Variants in INO80C observed in about 807,000 individuals in gnomAD.
INO80C encodes INO80 complex subunit C, also known as IES6 homolog.
A neutral mutation model predicts 17.7 loss-of-function variants in INO80C; 17 were observed. The observed-to-expected ratio is 0.96, with a 90% CI of 0.66 to 1.44. INO80C has a LOEUF of 1.44. Ranked by LOEUF, INO80C falls within the 40% of genes most tolerant of loss-of-function variation. The pLI, the probability that INO80C is intolerant of heterozygous loss-of-function variation, is 0.00. For missense variants in INO80C, 244 were observed against 245.0 expected (o/e 1.00, Z 0.03); for synonymous variants, 96 against 95.8 (o/e 1.00, Z -0.01).
rs755042959 is a variant in INO80C, at chr18:35,497,760, C to T, written c.115G>A (p.Ala39Thr). The T allele has an allele frequency of 1.9e-6, 3 of 1,612,726 alleles. No individual in the cohort carries two copies. Among genetic ancestry groups the T allele is most frequent in the African/African-American group, 1.3e-5 (1 of 74,966 alleles). Residue 39 changes from alanine (A) to threonine (T), a missense_variant, in exon 1 of 5, where the codon GCC becomes ACC. Coordinates refer to ENST00000334598, the MANE Select transcript of INO80C (RefSeq NM_194281.4). ...GCGGACGCTTTTTTCTTCTTACTGG[C>T]GCCATAGCCCCCGCCGCTGCTGCCA... Reference protein sequence around the residue: ...HNGSSGGGYGASKKKKASASS... With the variant: ...HNGSSGGGYGTSKKKKASASS...
Position 35,480,237 on chromosome 18 carries a change from A to G in INO80C, c.267+216T>C, listed in dbSNP as rs566344216. Among the ~76,000 whole-genome samples, 3 of 152,350 alleles carry G rather than the reference A, an allele frequency of 2.0e-5. No homozygotes were observed. The South Asian group carries it at 6.2e-4, about 32-fold the overall frequency. On this transcript the variant is annotated intron_variant, in intron 2 of 4. Coordinates refer to ENST00000334598, the MANE Select transcript of INO80C (RefSeq NM_194281.4). The stretch of plus-strand genomic sequence containing the variant: ...CCCTCCAAACAGTATCCTTTAATGA[A>G]TCCACAAAGGACACCCAAATCCTTG...
chr18:35,469,025 G>A (rs912392183), intron 4 of INO80C, among the ~76,000 whole-genome samples: 1 of 152,176 alleles, frequency 6.6e-6, no homozygotes, highest in Non-Finnish European at 1.5e-5. Context: ...GTCCAAGACT[G>A]AATTCATGAT....
At chr18:35,471,715 T>C (rs2045671827) in intron 4 of INO80C, among the ~76,000 whole-genome samples, 1 of 152,076 alleles carries the variant, frequency 6.6e-6, no homozygotes, top group Admixed American at 6.6e-5. Flanking sequence ...TAACTCGTCA[T>C]TTAGCATTAG....
At chr18:35,488,196 G>A (rs373570751) in intron 1 of INO80C, among the ~76,000 whole-genome samples, 10 of 152,246 alleles carry the variant, frequency 6.6e-5, no homozygotes, top group African/African-American at 2.2e-4. Flanking sequence ...TCTGAAGGAC[G>A]GTGGCTCTCT....
At chr18:35,472,013 T>G (rs1352025311) in intron 4 of INO80C, among the ~76,000 whole-genome samples, 1 of 152,222 alleles carries the variant, frequency 6.6e-6, no homozygotes, top group Non-Finnish European at 1.5e-5. Flanking sequence ...TGTTGGACAT[T>G]TGGGTTGGCT....
intron 1 of INO80C, among the ~76,000 whole-genome samples, chr18:35,495,096 G>T (rs1028860374): frequency 7.2e-5 from 11 of 152,202 alleles, no homozygotes; most frequent in Non-Finnish European, 4.4e-5. Context: ...CCTATACGCT[G>T]TGAAAAGGGA....
At chr18:35,493,847 CT>C (rs1182747625) in intron 1 of INO80C, among the ~76,000 whole-genome samples, 1 of 152,160 alleles carries the variant, frequency 6.6e-6, no homozygotes, top group African/African-American at 2.4e-5. Flanking sequence ...CATACTTTGC[CT>C]TTACTTAAGA....
intron 1 of INO80C, among the ~76,000 whole-genome samples, chr18:35,497,134 A>G (rs1369384694): frequency 6.6e-6 from 1 of 152,158 alleles, no homozygotes; most frequent in African/African-American, 2.4e-5. Context: ...CGGAACCTAG[A>G]TTGTTCAGAG....
At chr18:35,483,002 C>T (rs2045831763) in intron 1 of INO80C, among the ~76,000 whole-genome samples, 1 of 152,222 alleles carries the variant, frequency 6.6e-6, no homozygotes, top group South Asian at 2.1e-4. Context: ...CCAGCCTCGC[C>T]TCTTGCTCCC....
intron 4 of INO80C, among the ~76,000 whole-genome samples, chr18:35,475,318 G>C (rs545163165): frequency 6.6e-6 from 1 of 152,282 alleles, no homozygotes; most frequent in South Asian, 2.1e-4. Context: ...AGAAAAAACT[G>C]TCAGCCCAGA....
At chr18:35,483,000 G>A (rs754853818) in intron 1 of INO80C, among the ~76,000 whole-genome samples, 19 of 152,116 alleles carry the variant, frequency 1.2e-4, no homozygotes, top group African/African-American at 3.4e-4. Flanking sequence ...CTCCAGCCTC[G>A]CCTCTTGCTC....
intron 4 of INO80C, among the ~76,000 whole-genome samples, chr18:35,477,112 C>T (rs999434585): frequency 2.0e-5 from 3 of 152,066 alleles, no homozygotes; most frequent in Non-Finnish European, 4.4e-5. Flanking sequence ...GGCATGGTGG[C>T]GTGTGCCTGT....
chr18:35,478,352 G>T lies in INO80C; in HGVS notation c.380-3C>A. 6.5e-7 allele frequency: 1 copy of T among 1,527,120 alleles called. No individual in the cohort carries two copies. Among genetic ancestry groups the T allele is most frequent in the Non-Finnish European group, 8.8e-7 (1 of 1,134,942 alleles). The allele number at this position is 1,527,120 out of a possible 1,614,324, so 94.6% of individuals were successfully genotyped here. A position where few individuals can be genotyped will look rare whatever the true frequency, so the allele number is the denominator to read the frequency against. Reference sequence around the variant, plus strand: ...TGGAGGAGCATCAATACTGAAGTCTGGGAAAAAAAAAAAAAAAAGATAACT... The same window carrying T: ...TGGAGGAGCATCAATACTGAAGTCTTGGAAAAAAAAAAAAAAAAGATAACT... On this transcript the variant is annotated splice_region_variant and splice_polypyrimidine_tract_variant and intron_variant, in intron 3 of 4. Transcript: ENST00000334598.
At chr18:35,495,007 G>C (rs1435188048) in intron 1 of INO80C, among the ~76,000 whole-genome samples, 2 of 152,188 alleles carry the variant, frequency 1.3e-5, no homozygotes, top group African/African-American at 4.8e-5. Flanking sequence ...AGAAAGGTTG[G>C]GCAAGTGACA....
intron 1 of INO80C, among the ~76,000 whole-genome samples, chr18:35,491,918 G>C (rs1005682088): frequency 2.0e-5 from 3 of 152,176 alleles, no homozygotes; most frequent in Admixed American, 1.3e-4. Context: ...TCTCAGGGAA[G>C]AGAAATCCAG....
intron 1 of INO80C, among the ~76,000 whole-genome samples, chr18:35,485,833 A>C (rs1321204335): frequency 6.6e-6 from 1 of 152,252 alleles, no homozygotes; most frequent in African/African-American, 2.4e-5. Flanking sequence ...GAAGAGATAA[A>C]ATGTGGCAGG....
intron 4 of INO80C, among the ~76,000 whole-genome samples, chr18:35,472,095 TATA>T (rs1180295650): frequency 6.6e-6 from 1 of 152,220 alleles, no homozygotes; most frequent in Non-Finnish European, 1.5e-5. Flanking sequence ...CAGCATGATT[TATA>T]ATCCTTTGGG....
intron 1 of INO80C, among the ~76,000 whole-genome samples, chr18:35,489,966 AGAAATTCACACT>A (rs1193298184): frequency 6.6e-6 from 1 of 152,064 alleles, no homozygotes; most frequent in Non-Finnish European, 1.5e-5. Context: ...TTTGGTTTTA[AGAAATTCACACT>A]GAAATATTTA....
chr18:35,483,482 G>A (rs1398669641), intron 1 of INO80C: 1 of 152,294 alleles, frequency 6.6e-6, no homozygotes, highest in Non-Finnish European at 1.5e-5. Context: ...GGGGGACAAG[G>A]AGAGAGGGGT....
Sources: gnomAD v4.1 joint callset for allele counts (sites outside exome capture counted in the v4.1 genomes callset) on GRCh38, gnomAD v4.1.1 for gene constraint, MANE v1.5 for transcripts, NCBI Gene and HGNC (gene_info 2026-07-23, HGNC 2026-07-21) for gene names.